Variants in ADAM22 observed in about 807,000 individuals in gnomAD.
The protein encoded by ADAM22 is ADAM metallopeptidase domain 22.
A neutral mutation model predicts 144.6 loss-of-function variants in ADAM22; 65 were observed. The observed-to-expected ratio is 0.45, with a 90% CI of 0.37 to 0.55. ADAM22 has a LOEUF of 0.55. ADAM22 is among the 20% of genes least tolerant of loss of function. The probability of loss-of-function intolerance (pLI) is 0.00; values close to 1 mark genes in which losing one functional copy is unlikely to be tolerated. For synonymous variants in ADAM22, 391 were observed against 412.6 expected (o/e 0.95, Z 0.63); for missense variants, 974 against 1,184.9 (o/e 0.82, Z 2.61).
intron 4 of ADAM22, among the ~76,000 whole-genome samples, chr7:88,099,746 A>G (rs189142266): frequency 6.6e-6 from 1 of 152,298 alleles, no homozygotes; most frequent in East Asian, 1.9e-4. Flanking sequence ...GTGCTAAGTT[A>G]AAGTCTAGGA....
At chr7:88,063,841 C>G (rs1459574525) in intron 3 of ADAM22, among the ~76,000 whole-genome samples, 2 of 152,154 alleles carry the variant, frequency 1.3e-5, no homozygotes, top group Non-Finnish European at 2.9e-5. Flanking sequence ...TCTGTACTTA[C>G]AAATCCAAAC....
intron 4 of ADAM22, chr7:88,090,150 T>C (rs1819480794): frequency 6.6e-6 from 1 of 152,202 alleles, no homozygotes; most frequent in African/African-American, 2.4e-5. Flanking sequence ...TGACTACCTG[T>C]ATGTTAAAAT....
At chr7:88,040,110 C>A (rs548994489) in intron 3 of ADAM22, among the ~76,000 whole-genome samples, 1 of 151,914 alleles carries the variant, frequency 6.6e-6, no homozygotes, top group Non-Finnish European at 1.5e-5. Flanking sequence ...GTTATCACTT[C>A]AAGATCAACA....
At chr7:88,140,881 G>C (rs563251962) in intron 14 of ADAM22, among the ~76,000 whole-genome samples, 1 of 152,242 alleles carries the variant, frequency 6.6e-6, no homozygotes, top group African/African-American at 2.4e-5. Flanking sequence ...TTTATTACTA[G>C]TCACAAGTAA....
At chr7:88,183,084 G>A (rs1204513103) in intron 29 of ADAM22, among the ~76,000 whole-genome samples, 2 of 152,158 alleles carry the variant, frequency 1.3e-5, no homozygotes, top group Non-Finnish European at 2.9e-5. Flanking sequence ...TCTTGTAAGT[G>A]GCTTGTCAAC....
At chr7:88,166,043 A>G in intron 24 of ADAM22, 97 bp downstream of exon 24, 1 of 759,336 alleles carries the variant, frequency 1.3e-6, no homozygotes, top group Non-Finnish European at 2.0e-6. Flanking sequence ...TGATAATCAG[A>G]AATACATTCT....
At chr7:87,972,041 G>C (rs4728718) in intron 2 of ADAM22, among the ~76,000 whole-genome samples, 91,488 of 151,818 alleles carry the variant, frequency 0.6, 28,809 homozygotes, top group African/African-American at 0.79. Flanking sequence ...GATGCCCTCT[G>C]TCACCACTCC....
chr7:87,964,452 C>CT (rs1057485156), intron 2 of ADAM22, among the ~76,000 whole-genome samples: 36 of 152,210 alleles, frequency 2.4e-4, no homozygotes, highest in Middle Eastern at 6.8e-3. Context: ...CAAGATTGAT[C>CT]TTTTTTTATC....
intron 5 of ADAM22, among the ~76,000 whole-genome samples, chr7:88,108,518 C>T (rs1825106198): frequency 1.3e-5 from 2 of 151,932 alleles, no homozygotes; most frequent in Non-Finnish European, 2.9e-5. Context: ...CACCTGAGGT[C>T]AGGAGTTCGA....
chr7:87,973,129 G>C (rs140574239), intron 2 of ADAM22, among the ~76,000 whole-genome samples: 73 of 152,252 alleles, frequency 4.8e-4, no homozygotes, highest in African/African-American at 1.7e-3. Context: ...CACAGCAAAA[G>C]AAACCACCAT....
In ADAM22 at chr7:88,111,625, C is replaced by T. The variant is rs149067682; in HGVS notation, c.474-2959C>T. Among the ~76,000 whole-genome samples the T allele has an allele frequency of 5.4e-4, 82 of 152,114 alleles. No individual in the cohort carries two copies. In the East Asian group the frequency reaches 0.013, roughly 23 times the overall value. On this transcript the variant is annotated intron_variant, in intron 5 of 31. Transcript: ENST00000413139. ...ATTTGTAAGAATGGCTTTTTCATTT[C>T]AAAATCTTATTTTGATACAACCTTT...
chr7:88,088,755 G>A (rs1181206484), intron 4 of ADAM22, among the ~76,000 whole-genome samples: 1 of 152,112 alleles, frequency 6.6e-6, no homozygotes, highest in African/African-American at 2.4e-5. Context: ...GGTACACAAC[G>A]TGTTAGAGAA....
chr7:88,136,020 G>T lies in ADAM22; in HGVS notation c.1209G>T (p.Met403Ile). 6.2e-7 allele frequency: 1 copy of T among 1,612,092 alleles called. No homozygotes were observed. Among genetic ancestry groups the T allele is most frequent in the Non-Finnish European group, 8.5e-7 (1 of 1,178,970 alleles). ...KCEDTWSGCI[M>I]GDTGYYLPKK... The stretch of plus-strand genomic sequence containing the variant: ...AGGACACGTGGTCCGGGTGCATAAT[G>T]GGAGACACTGGGTGAGCCACTTGTA... The change falls in exon 14 of 32, where the codon ATG (methionine) becomes ATT (isoleucine). Residue 403 changes from methionine (M) to isoleucine (I), a missense_variant. Physicochemically the swap from Met to Ile is conservative, Grantham distance 10. Around this residue, in one of 2 missense-constraint regions of ADAM22, gnomAD observed 734 missense variants for 950.6 expected, o/e 0.77. Transcript: ENST00000413139.
intron 15 of ADAM22, among the ~76,000 whole-genome samples, chr7:88,143,585 GTCT>G (rs1315512992): frequency 6.6e-6 from 1 of 152,122 alleles, no homozygotes; most frequent in Non-Finnish European, 1.5e-5. Context: ...TGAAAAACAA[GTCT>G]TCTTAAAGCA....
chr7:88,062,001 C>CT (rs1052167713), intron 3 of ADAM22, among the ~76,000 whole-genome samples: 2 of 151,918 alleles, frequency 1.3e-5, no homozygotes, highest in Non-Finnish European at 2.9e-5. Context: ...ACCACCACAC[C>CT]TGGGTGCTTT....
intron 14 of ADAM22, among the ~76,000 whole-genome samples, chr7:88,140,305 C>T (rs569486941): frequency 6.6e-6 from 1 of 152,170 alleles, no homozygotes; most frequent in South Asian, 2.1e-4. Flanking sequence ...CCCTGCTTCT[C>T]AGCTGAGCAC....
intron 3 of ADAM22, among the ~76,000 whole-genome samples, chr7:88,061,827 C>CTT (rs1809958208): frequency 6.9e-6 from 1 of 144,914 alleles, no homozygotes; most frequent in Non-Finnish European, 1.5e-5. Context: ...CTCTTTCTTT[C>CTT]TCTCTCTCTC....
chr7:87,966,119 T>G (rs917285014), intron 2 of ADAM22, among the ~76,000 whole-genome samples: 3 of 152,220 alleles, frequency 2.0e-5, no homozygotes, highest in African/African-American at 7.2e-5. Flanking sequence ...TTTTCCTAAC[T>G]CTACTCTAAT....
intron 4 of ADAM22, among the ~76,000 whole-genome samples, chr7:88,103,307 A>T (rs905680584): frequency 6.6e-6 from 1 of 152,090 alleles, no homozygotes; most frequent in African/African-American, 2.4e-5. Context: ...CCTTTGTGTT[A>T]TCATCTTGTC....
Sources: gnomAD v4.1 joint callset for allele counts (sites outside exome capture counted in the v4.1 genomes callset) on GRCh38, gnomAD v4.1.1 for gene constraint, gnomAD v4.1.1 regional missense constraint, MANE v1.5 for transcripts, NCBI Gene and HGNC (gene_info 2026-07-23, HGNC 2026-07-21) for gene names.